MYH16: variants seen among roughly 807,000 people sequenced by gnomAD.
The protein encoded by MYH16 is myosin heavy chain 16, also known as putative uncharacterized protein MYH16.
At chr7:99,251,830 G>A (rs567863113) in intron 6 of MYH16, among the ~76,000 whole-genome samples, 2 of 152,050 alleles carry the variant, frequency 1.3e-5, no homozygotes, top group South Asian at 2.1e-4. Context: ...AAAATTAGCC[G>A]GGCATGGCCA....
exon 10 of MYH16, chr7:99,257,375 A>C (rs936169464): frequency 1.7e-5 from 3 of 179,246 alleles, no homozygotes; most frequent in Admixed American, 5.1e-5. Flanking sequence ...GGTATCATGC[A>C]CTTTGGGAAC....
At chr7:99,246,411 A>G (rs1247987373) in intron 2 of MYH16, among the ~76,000 whole-genome samples, 1 of 150,696 alleles carries the variant, frequency 6.6e-6, no homozygotes, top group Non-Finnish European at 1.5e-5. Context: ...GATATAAAAC[A>G]GTACTATAGG....
intron 29 of MYH16, among the ~76,000 whole-genome samples, chr7:99,288,814 C>A (rs1014739205): frequency 6.7e-6 from 1 of 149,700 alleles, no homozygotes; most frequent in Admixed American, 6.7e-5. Context: ...TAGTCTCTGG[C>A]ACATAAGAGT....
In MYH16 at chr7:99,264,845, G is replaced by A. The variant is rs576728621; in HGVS notation, n.1942-259G>A. Among the ~76,000 whole-genome samples, 10 of 152,300 alleles carry A rather than the reference G, an allele frequency of 6.6e-5. No individual in the cohort carries two copies. The East Asian group carries it at 1.9e-3, about 29-fold the overall frequency. On this transcript the variant is annotated intron_variant and non_coding_transcript_variant, in intron 15 of 41. Transcript: ENST00000439784. The stretch of plus-strand genomic sequence containing the variant: ...CTACAACGACCCAGCTCTGAATCTG[G>A]AGGGGCCCCACTTCTTGCAAACCAC...
At chr7:99,267,907 C>T (rs781474172) in intron 18 of MYH16, among the ~76,000 whole-genome samples, 2 of 152,222 alleles carry the variant, frequency 1.3e-5, no homozygotes, top group Non-Finnish European at 2.9e-5. Context: ...CAAAGCCTGC[C>T]TCTGTGCCGC....
At chr7:99,276,690 A>G (rs953388985) in intron 20 of MYH16, among the ~76,000 whole-genome samples, 1 of 152,254 alleles carries the variant, frequency 6.6e-6, no homozygotes, top group African/African-American at 2.4e-5. Context: ...GACACAGTGC[A>G]GGAGGAGGGC....
intron 2 of MYH16, among the ~76,000 whole-genome samples, chr7:99,246,935 A>G (rs370485209): frequency 3.8e-4 from 58 of 152,078 alleles, no homozygotes; most frequent in African/African-American, 1.3e-3. Context: ...CATTCAATGC[A>G]CTCCTCGATT....
intron 23 of MYH16, among the ~76,000 whole-genome samples, chr7:99,282,239 A>G (rs1381723429): frequency 6.6e-6 from 1 of 152,004 alleles, no homozygotes; most frequent in Non-Finnish European, 1.5e-5. Context: ...TTGGCCAGGC[A>G]GGCCTCGAAC....
chr7:99,297,044 TC>T, intron 34 of MYH16, 127 bp downstream of exon 15: 1 of 370,036 alleles, frequency 2.7e-6, no homozygotes, highest in South Asian at 2.0e-5. Context: ...ATGTTGACTT[TC>T]TAGCAAGTGC....
At chr7:99,242,018 G>C (rs542211606) in intron 1 of MYH16, among the ~76,000 whole-genome samples, 1 of 151,990 alleles carries the variant, frequency 6.6e-6, no homozygotes, top group East Asian at 1.9e-4. Flanking sequence ...GCGCTACCAC[G>C]CCCAGCTAAT....
intron 22 of MYH16, 147 bp downstream of exon 4, chr7:99,279,884 G>C (rs1792177804): frequency 8.4e-6 from 3 of 355,822 alleles, no homozygotes; most frequent in South Asian, 6.3e-5. Flanking sequence ...TGTTTGTTTT[G>C]CGACAGAGTC....
intron 20 of MYH16, among the ~76,000 whole-genome samples, chr7:99,274,769 G>T (rs560629897): frequency 1.3e-5 from 2 of 150,856 alleles, no homozygotes; most frequent in South Asian, 2.1e-4. Context: ...CGCCTCCCGG[G>T]TTCAAGTTAT....
intron 3 of MYH16, among the ~76,000 whole-genome samples, chr7:99,248,193 C>A (rs1159491379): frequency 2.0e-5 from 3 of 152,202 alleles, no homozygotes; most frequent in Non-Finnish European, 4.4e-5. Flanking sequence ...CCTCCACCTC[C>A]CAGGTTCAGG....
At chr7:99,279,843 T>C in intron 22 of MYH16, 106 bp downstream of exon 4, 5 of 365,134 alleles carry the variant, frequency 1.4e-5, no homozygotes, top group Non-Finnish European at 2.7e-5. Context: ...ACTGACCACA[T>C]GGGGCAGTTT....
At chr7:99,296,709 T>C in exon 34 of MYH16, 1 of 455,770 alleles carries the variant, frequency 2.2e-6, no homozygotes, top group Non-Finnish European at 4.4e-6. Flanking sequence ...AGGCCAATGC[T>C]GCAGCTGCTG....
intron 23 of MYH16, among the ~76,000 whole-genome samples, chr7:99,282,269 T>C (rs1792209135): frequency 6.6e-6 from 1 of 152,032 alleles, no homozygotes; most frequent in Admixed American, 6.6e-5. Flanking sequence ...CAAGTGATCC[T>C]CCCACCTGAG....
intron 21 of MYH16, among the ~76,000 whole-genome samples, chr7:99,277,920 A>T (rs60233839): frequency 0.041 from 5,059 of 123,168 alleles, 92 homozygotes; most frequent in African/African-American, 0.11. Flanking sequence ...TGTGTGTGAG[A>T]GAGAGAGAGA....
At chr7:99,258,158 C>T (rs1489779639) in exon 11 of MYH16, 1 of 152,624 alleles carries the variant, frequency 6.6e-6, no homozygotes, top group Non-Finnish European at 1.5e-5. Flanking sequence ...GGTCTCAACT[C>T]TGGTGAACTG....
At chr7:99,271,452 T>C (rs531554948) in intron 19 of MYH16, among the ~76,000 whole-genome samples, 6 of 152,066 alleles carry the variant, frequency 3.9e-5, no homozygotes, top group Non-Finnish European at 7.4e-5. Flanking sequence ...GAGGTTGCAG[T>C]GAGCTGAGAT....
Sources: gnomAD v4.1 joint callset for allele counts (sites outside exome capture counted in the v4.1 genomes callset) on GRCh38, gnomAD v4.1.1 for gene constraint, MANE v1.5 for transcripts, NCBI Gene and HGNC (gene_info 2026-07-23, HGNC 2026-07-21) for gene names.